Variants in DDHD1 observed in about 807,000 individuals in gnomAD.
DDHD1 encodes the protein DDHD domain containing 1.
A neutral mutation model predicts 96.4 loss-of-function variants in DDHD1; 49 were observed. The ratio of observed to expected loss-of-function variants is 0.51; its 90% confidence interval spans 0.40 to 0.64. The LOEUF (loss-of-function observed/expected upper bound fraction) is 0.64. Ranked by LOEUF, DDHD1 falls within the 30% of genes least tolerant of loss-of-function variation. DDHD1 has a pLI of 0.00. For synonymous variants in DDHD1, 442 were observed against 446.5 expected, an observed-to-expected ratio of 0.99 and a Z score of 0.13; for missense variants, 1,106 against 1,161.2, an observed-to-expected ratio of 0.95 and a Z score of 0.69.
At chr14:53,124,249 T>TTATATA (rs35996453) in intron 1 of DDHD1, among the ~76,000 whole-genome samples, 1 of 146,430 alleles carries the variant, frequency 6.8e-6, no homozygotes, top group African/African-American at 2.6e-5. Context: ...AAAAAAAAAA[T>TTATATA]TATATATATA....
At chr14:53,133,726 G>C (rs539318446) in intron 1 of DDHD1, among the ~76,000 whole-genome samples, 28 of 152,178 alleles carry the variant, frequency 1.8e-4, no homozygotes, top group Non-Finnish European at 3.7e-4. Flanking sequence ...AGCCCTCTAG[G>C]TGACTATCTT....
At chr14:53,072,054 T>C (rs1884553046) in intron 6 of DDHD1, among the ~76,000 whole-genome samples, 1 of 151,212 alleles carries the variant, frequency 6.6e-6, no homozygotes, top group African/African-American at 2.4e-5. Flanking sequence ...AGTTCACACA[T>C]GTTAGGCAAT....
chr14:53,081,238 A>G (rs1885444748), intron 4 of DDHD1, among the ~76,000 whole-genome samples: 1 of 152,210 alleles, frequency 6.6e-6, no homozygotes, highest in African/African-American at 2.4e-5. Context: ...TTTACATCAG[A>G]TAAGTAATCG....
At position 53,037,723 on chromosome 14, in the gene DDHD1, G is replaced by A. The variant is rs538949057; in HGVS notation, c.*9045C>T. The A allele has an allele frequency of 2.0e-5, 3 of 152,130 alleles. No homozygotes were observed. The South Asian group carries it at 6.2e-4, about 31-fold the overall frequency. 9.4% of individuals were successfully genotyped at this position (152,130 alleles called of 1,614,324 possible). On this transcript the variant is annotated 3_prime_UTR_variant, in exon 13 of 13. Coordinates refer to ENST00000673822, the MANE Select transcript of DDHD1 (RefSeq NM_001160148.2). ...TTGATAGTGTCTTTTGCTGTGCAGAGTGCTTTAATTAGGTCCCCACTTGCC... is the reference window on the plus strand; with the variant it reads ...TTGATAGTGTCTTTTGCTGTGCAGAATGCTTTAATTAGGTCCCCACTTGCC...
intron 12 of DDHD1, among the ~76,000 whole-genome samples, chr14:53,047,924 T>C (rs1882167441): frequency 6.6e-6 from 1 of 152,140 alleles, no homozygotes; most frequent in East Asian, 1.9e-4. Context: ...AATGCTCAAA[T>C]CACTACCAAC....
intron 2 of DDHD1, among the ~76,000 whole-genome samples, chr14:53,100,819 A>T (rs1046704771): frequency 6.6e-6 from 1 of 152,170 alleles, no homozygotes; most frequent in African/African-American, 2.4e-5. Context: ...TTTTTCCAGA[A>T]AGCCTTATGT....
chr14:53,152,113 GCTCCCT>G, intron 1 of DDHD1, 142 bp downstream of exon 1: 3 of 833,734 alleles, frequency 3.6e-6, no homozygotes, highest in Non-Finnish European at 3.6e-6. Flanking sequence ...AGCTGCCGAC[GCTCCCT>G]GCTCAATCTC....
rs1039157033 is a variant in DDHD1 at position 53,044,867 on chromosome 14, G to A, written c.*1901C>T. On this transcript the variant is annotated 3_prime_UTR_variant, in exon 13 of 13. Transcript: ENST00000673822. ...TACTATCTTATGAAGAAAGGAGGAG[G>A]TGAGAGATACAGCTGACCAACTTTG... 4 of 152,190 alleles carry A rather than the reference G, an allele frequency of 2.6e-5. No individual in the cohort carries two copies. Among genetic ancestry groups the A allele is most frequent in the African/African-American group, 9.7e-5 (4 of 41,438 alleles). The allele number at this position is 152,190 out of a possible 1,614,324, so 9.4% of individuals were successfully genotyped here.
At chr14:53,105,738 C>A (rs981423050) in intron 1 of DDHD1, among the ~76,000 whole-genome samples, 1 of 151,954 alleles carries the variant, frequency 6.6e-6, no homozygotes, top group Non-Finnish European at 1.5e-5. Flanking sequence ...CATTTGAACA[C>A]CTTTTTATTT....
chr14:53,143,444 CACT>C (rs1204924924), intron 1 of DDHD1, among the ~76,000 whole-genome samples: 46 of 152,178 alleles, frequency 3.0e-4, no homozygotes, highest in Non-Finnish European at 2.9e-5. Flanking sequence ...AGAAAGGGTA[CACT>C]TGCCAGCAGT....
In DDHD1 at chr14:53,054,589, G is replaced by A. The variant is rs1334344549; in HGVS notation, c.2286C>T (p.Phe762=). The A allele has an allele frequency of 2.3e-5, 37 of 1,613,880 alleles. No homozygotes were observed. The highest frequency in any genetic ancestry group is 3.0e-5 in the Non-Finnish European group (35 of 1,179,950). ...TTGTAGATGAACGTCCAAATCTTGA[G>A]AACAACATTCCTCCAAGTCCCTTTC... ...SIGKGLGGML[F]SRFGRSSTTQ... is the part of the protein sequence containing the mutation. Residue 762 remains phenylalanine (F), a synonymous_variant, in exon 11 of 13, where the codon TTC becomes TTT. Coordinates refer to ENST00000673822, the MANE Select transcript of DDHD1 (RefSeq NM_001160148.2).
At chr14:53,122,798 A>C (rs1352947220) in intron 1 of DDHD1, among the ~76,000 whole-genome samples, 3 of 151,366 alleles carry the variant, frequency 2.0e-5, no homozygotes, top group Non-Finnish European at 4.4e-5. Context: ...CGAACTCCTG[A>C]CCTTGTGATC....
At position 53,152,606 on chromosome 14, in the gene DDHD1, G is replaced by A; in HGVS notation, c.493C>T (p.Pro165Ser). The A allele has an allele frequency of 6.2e-7, 1 of 1,613,734 alleles. No homozygotes were observed. Among genetic ancestry groups the A allele is most frequent in the Non-Finnish European group, 8.5e-7 (1 of 1,179,956 alleles). Residue 165 changes from proline to serine, a missense_variant, in exon 1 of 13, where the codon CCG becomes TCG. Pro to Ser is a moderately conservative substitution (Grantham distance 74). Around this residue, in one of 2 missense-constraint regions of DDHD1, gnomAD observed 456 missense variants for 402.4 expected, o/e 1.13. Transcript: ENST00000673822. ...HRYEVVTELG[P>S]EEVRWFYKED... ...TTGTAGAACCAGCGTACCTCCTCCG[G>A]GCCCAGCTCCGTCACTACCTCATAG...
chr14:53,123,124 ATT>A (rs1889134599), intron 1 of DDHD1, among the ~76,000 whole-genome samples: 9 of 69,316 alleles, frequency 1.3e-4, no homozygotes, highest in Non-Finnish European at 2.9e-4. Flanking sequence ...TGTTATTATT[ATT>A]ATTATTATTA....
At chr14:53,081,201 T>C (rs1885440936) in intron 4 of DDHD1, among the ~76,000 whole-genome samples, 1 of 152,244 alleles carries the variant, frequency 6.6e-6, no homozygotes, top group Admixed American at 6.5e-5. Context: ...GATTTCTTTA[T>C]TATCCACAAA....
In DDHD1 at chr14:53,123,659, CA is replaced by C. The variant is rs554799023; in HGVS notation, c.839-19804del. On this transcript the variant is annotated intron_variant, in intron 1 of 12. Coordinates refer to ENST00000673822, the MANE Select transcript of DDHD1 (RefSeq NM_001160148.2). The stretch of plus-strand genomic sequence containing the variant: ...CCAAAATGCAAGTTTTAGGAGGATG[CA>C]AACAGAATGAGACTGTTTACATAAA... 3.1e-3 allele frequency among the ~76,000 whole-genome samples: 478 copies of C among 152,084 alleles called. 3 individuals are homozygous for C. The highest frequency in any genetic ancestry group is 6.8e-3 in the Middle Eastern group (2 of 294).
chr14:53,086,750 G>A (rs1885996279), intron 4 of DDHD1, among the ~76,000 whole-genome samples: 1 of 152,018 alleles, frequency 6.6e-6, no homozygotes, highest in Admixed American at 6.6e-5. Context: ...CAATTAATGG[G>A]CAAAATAACC....
chr14:53,118,219 A>C (rs1888697888), intron 1 of DDHD1, among the ~76,000 whole-genome samples: 1 of 152,240 alleles, frequency 6.6e-6, no homozygotes, highest in Non-Finnish European at 1.5e-5. Context: ...ACCACAGCAG[A>C]AAAGCTGAAA....
At chr14:53,089,929 A>G (rs1886293834) in intron 4 of DDHD1, among the ~76,000 whole-genome samples, 1 of 152,236 alleles carries the variant, frequency 6.6e-6, no homozygotes, top group East Asian at 1.9e-4. Flanking sequence ...CATCAGAGTG[A>G]ACAGGCAACC....
Sources: gnomAD v4.1 joint callset for allele counts (sites outside exome capture counted in the v4.1 genomes callset) on GRCh38, gnomAD v4.1.1 for gene constraint, gnomAD v4.1.1 regional missense constraint, MANE v1.5 for transcripts, NCBI Gene and HGNC (gene_info 2026-07-23, HGNC 2026-07-21) for gene names.